TANGO6: variants seen among roughly 807,000 people sequenced by gnomAD.
TANGO6 encodes transport and Golgi organization protein 6 homolog.
In TANGO6, 90 loss-of-function variants were observed where a neutral mutation model predicts 114.2. That is an observed-to-expected ratio of 0.79 (90% CI 0.66 to 0.94). The LOEUF is 0.94. Among genes scored for constraint, TANGO6 ranks in the 40% least tolerant of loss-of-function variants. The pLI is 0.00. For missense variants in TANGO6, 1,274 were observed against 1,315.3 expected, an observed-to-expected ratio of 0.97 and a Z score of 0.49; for synonymous variants, 477 against 509.8, an observed-to-expected ratio of 0.94 and a Z score of 0.87.
At chr16:69,067,521 A>AAAAAAAAAAAAAAAC (rs1280206741) in intron 17 of TANGO6, among the ~76,000 whole-genome samples, 1 of 142,540 alleles carries the variant, frequency 7.0e-6, no homozygotes, top group African/African-American at 2.6e-5. Context: ...TCCATCTCAA[A>AAAAAAAAAAAAAAAC]AAAAAAAAAA....
chr16:68,922,724 G>A (rs890451738), intron 12 of TANGO6, among the ~76,000 whole-genome samples: 3 of 152,006 alleles, frequency 2.0e-5, no homozygotes, highest in Non-Finnish European at 2.9e-5. Flanking sequence ...TCTAAAGCAC[G>A]AGGCTGAGCA....
chr16:68,862,276 G>A (rs1474879378), intron 2 of TANGO6, among the ~76,000 whole-genome samples: 1 of 151,842 alleles, frequency 6.6e-6, no homozygotes, highest in East Asian at 1.9e-4. Context: ...GTGCAGTGGT[G>A]CAATCTTGAC....
intron 15 of TANGO6, among the ~76,000 whole-genome samples, chr16:69,003,152 A>G (rs1420603968): frequency 6.6e-6 from 1 of 152,140 alleles, no homozygotes; most frequent in East Asian, 1.9e-4. Flanking sequence ...GTATTTTTCC[A>G]GGTAAAACAA....
At chr16:68,973,150 G>A (rs1963725949) in intron 14 of TANGO6, 1 of 455,992 alleles carries the variant, frequency 2.2e-6, no homozygotes, top group Non-Finnish European at 4.4e-6. Flanking sequence ...AAAGGTAGAA[G>A]CAGGGAGACC....
chr16:68,876,760 G>T (rs959826459), intron 5 of TANGO6, among the ~76,000 whole-genome samples: 2 of 152,134 alleles, frequency 1.3e-5, no homozygotes, highest in East Asian at 1.9e-4. Flanking sequence ...GGCAGACGTT[G>T]CAGTGAGCTG....
chr16:68,905,797 T>C (rs1962842305), intron 9 of TANGO6, among the ~76,000 whole-genome samples: 1 of 151,118 alleles, frequency 6.6e-6, no homozygotes, highest in Non-Finnish European at 1.5e-5. Context: ...TGCCTCAGAC[T>C]GGGAGGTTGA....
At chr16:68,951,558 C>T (rs1357412160) in intron 14 of TANGO6, among the ~76,000 whole-genome samples, 1 of 151,688 alleles carries the variant, frequency 6.6e-6, no homozygotes, top group Non-Finnish European at 1.5e-5. Context: ...TCTGTACTTC[C>T]TTCCTTTTTC....
rs892254618 is a variant in TANGO6 at position 68,871,080 on chromosome 16, C to T, written c.994+3860C>T. Reference sequence around the variant, plus strand: ...TGCTGGGATTACAGGTGTGAGCCACCGCACCCGGCCTGGCAATTAATTTTC... The same window carrying T: ...TGCTGGGATTACAGGTGTGAGCCACTGCACCCGGCCTGGCAATTAATTTTC... On this transcript the variant is annotated intron_variant, in intron 4 of 17. Transcript: ENST00000261778. Among the ~76,000 whole-genome samples, 11 of 152,058 alleles carry T rather than the reference C, an allele frequency of 7.2e-5. No individual in the cohort carries two copies. The South Asian group carries it at 1.0e-3, about 14-fold the overall frequency.
intron 1 of TANGO6, among the ~76,000 whole-genome samples, chr16:68,858,646 A>G (rs923373655): frequency 1.2e-4 from 18 of 145,720 alleles, no homozygotes; most frequent in African/African-American, 3.5e-4. Context: ...ACACTTGGCT[A>G]TTTTTTTTTT....
At position 68,989,097 on chromosome 16, in the gene TANGO6, A is replaced by C. The variant is rs1963923962; in HGVS notation, c.2842+14929A>C. 2.0e-5 allele frequency among the ~76,000 whole-genome samples: 3 copies of C among 152,164 alleles called. No individual in the cohort carries two copies. In the South Asian group the frequency reaches 6.2e-4, roughly 31 times the overall value. The stretch of plus-strand genomic sequence containing the variant: ...CAGCTGGTCTTGAACTCCTGGGCAC[A>C]AGTGATCTGCCCACCTTGGCCTCCC... On this transcript the variant is annotated intron_variant, in intron 15 of 17. Transcript: ENST00000261778.
chr16:69,068,168 G>A (rs893874396), intron 17 of TANGO6, among the ~76,000 whole-genome samples: 3 of 151,730 alleles, frequency 2.0e-5, no homozygotes, highest in South Asian at 2.1e-4. Context: ...CCTGAGCATG[G>A]TGATGCACAC....
At chr16:68,844,596 C>T (rs1961774818) in intron 1 of TANGO6, among the ~76,000 whole-genome samples, 1 of 152,152 alleles carries the variant, frequency 6.6e-6, no homozygotes, top group African/African-American at 2.4e-5. Context: ...AGATTTTATA[C>T]TTAAAACTGC....
chr16:68,878,318 A>G lies in TANGO6; in HGVS notation c.1294+38A>G, dbSNP rs752911725. On this transcript the variant is annotated intron_variant, in intron 6 of 17. Coordinates refer to ENST00000261778, the MANE Select transcript of TANGO6 (RefSeq NM_024562.2). ...GTGTGGTGGCTGTGTGTGCCTCTAA[A>G]GGACCTTCTTCAGTATTTCACGTTG... 1.9e-6 allele frequency: 3 copies of G among 1,562,446 alleles called. No individual in the cohort carries two copies. The South Asian group carries it at 3.7e-5, about 19-fold the overall frequency.
chr16:68,908,250 G>C (rs1033817495), intron 10 of TANGO6, among the ~76,000 whole-genome samples: 3 of 152,162 alleles, frequency 2.0e-5, no homozygotes, highest in African/African-American at 7.2e-5. Flanking sequence ...TTCAAGGAGG[G>C]AATCAGGGCT....
At chr16:69,060,885 G>A (rs895448304) in intron 17 of TANGO6, among the ~76,000 whole-genome samples, 1 of 152,010 alleles carries the variant, frequency 6.6e-6, no homozygotes, top group East Asian at 1.9e-4. Flanking sequence ...CCAGCTACTC[G>A]GGAGGCTGAG....
rs138316937 is a variant in TANGO6 at position 68,902,205 on chromosome 16, A to G, written c.1491-123A>G. Reference sequence around the variant, plus strand: ...TCCATTCCTGCATTTCAGTAGTACTAGGAGATTGTGCCAGCATTTAAAATG... The same window carrying G: ...TCCATTCCTGCATTTCAGTAGTACTGGGAGATTGTGCCAGCATTTAAAATG... On this transcript the variant is annotated intron_variant, in intron 8 of 17. Transcript: ENST00000261778. 9.5e-5 allele frequency: 81 copies of G among 851,824 alleles called. No homozygotes were observed. In the African/African-American group the frequency reaches 1.2e-3, roughly 13 times the overall value. The allele number at this position is 851,824 out of a possible 1,614,324, so 52.8% of individuals were successfully genotyped here. A position where few individuals can be genotyped will look rare whatever the true frequency, so the allele number is the denominator to read the frequency against.
intron 17 of TANGO6, among the ~76,000 whole-genome samples, chr16:69,047,581 G>A (rs1306100354): frequency 1.3e-5 from 2 of 151,954 alleles, no homozygotes; most frequent in Admixed American, 6.6e-5. Flanking sequence ...ATCTGCTAAT[G>A]CAGCACTCAC....
intron 14 of TANGO6, among the ~76,000 whole-genome samples, chr16:68,949,809 A>G (rs1039285709): frequency 6.6e-6 from 1 of 151,850 alleles, no homozygotes; most frequent in African/African-American, 2.4e-5. Context: ...AAATGAAAAC[A>G]TATGTCCACA....
rs188117831 is a variant in TANGO6 at position 68,906,136 on chromosome 16, C to T, written c.1668-1307C>T. Among the ~76,000 whole-genome samples the T allele has an allele frequency of 1.6e-4, 24 of 151,836 alleles. No homozygotes were observed. The East Asian group carries it at 3.1e-3, about 20-fold the overall frequency. On this transcript the variant is annotated intron_variant, in intron 9 of 17. Coordinates refer to ENST00000261778, the MANE Select transcript of TANGO6 (RefSeq NM_024562.2). ...CGGAGGTTGCAGTGAGCCAAGATCGCGCCATTGCATTCCAGCCTGGGCAAC... is the reference window on the plus strand; with the variant it reads ...CGGAGGTTGCAGTGAGCCAAGATCGTGCCATTGCATTCCAGCCTGGGCAAC...
Sources: allele counts gnomAD v4.1 joint callset (sites outside exome capture counted in the v4.1 genomes callset), GRCh38; gene constraint gnomAD v4.1.1; transcripts MANE v1.5; gene names NCBI Gene and HGNC (gene_info 2026-07-23, HGNC 2026-07-21).